The following FSIP1 variants were observed in gnomAD, a reference collection of about 807,000 sequenced individuals.
FSIP1 encodes the protein fibrous sheath interacting protein 1.
A neutral mutation model predicts 60.9 loss-of-function variants in FSIP1; 65 were observed. The ratio of observed to expected loss-of-function variants is 1.07; its 90% CI spans 0.87 to 1.31. FSIP1 has a LOEUF of 1.31. Ranked by LOEUF, FSIP1 falls within the 40% of genes most tolerant of loss-of-function variation. The pLI, the probability that FSIP1 is intolerant of heterozygous loss-of-function variation, is 0.00. For synonymous variants in FSIP1, 209 were observed against 221.2 expected, an observed-to-expected ratio of 0.94 and a Z score of 0.49; for missense variants, 675 against 665.5, an observed-to-expected ratio of 1.01 and a Z score of -0.16.
At chr15:39,619,746 A>G (rs1322285858) in intron 10 of FSIP1, among the ~76,000 whole-genome samples, 1 of 152,218 alleles carries the variant, frequency 6.6e-6, no homozygotes, top group Non-Finnish European at 1.5e-5. Flanking sequence ...TGCTTATGTA[A>G]AATTACATAT....
intron 10 of FSIP1, among the ~76,000 whole-genome samples, chr15:39,643,728 A>G (rs1892471498): frequency 6.6e-6 from 1 of 152,242 alleles, no homozygotes; most frequent in East Asian, 1.9e-4. Context: ...AAGTGGGAAC[A>G]TCAAGTCTGG....
downstream of FSIP1, chr15:39,598,729 A>G (rs1890537816): frequency 6.6e-6 from 1 of 152,122 alleles, no homozygotes; most frequent in Admixed American, 6.5e-5. Flanking sequence ...CTCCTCCAAC[A>G]GTTTATTGTC....
At chr15:39,779,558 G>C (rs1238759959) in intron 1 of FSIP1, among the ~76,000 whole-genome samples, 1 of 152,080 alleles carries the variant, frequency 6.6e-6, no homozygotes, top group Admixed American at 6.5e-5. Context: ...TCCCATTTTT[G>C]CTCTGTCTTT....
At position 39,770,436 on chromosome 15, in the gene FSIP1, C is replaced by G. The variant is rs768046700; in HGVS notation, c.301G>C (p.Glu101Gln). ...LDLVQHQIIS[E>Q]CSDEPKLKEL... The stretch of plus-strand genomic sequence containing the variant: ...CTAGTGATTATCCTACCTGAACACT[C>G]AGAGATTATCTGATGTTGAACCAAA... The change falls in exon 3 of 12, where the codon GAG becomes CAG. Residue 101 changes from glutamate to glutamine, a missense_variant. Transcript: ENST00000350221. 6.9e-6 allele frequency: 11 copies of G among 1,595,718 alleles called. No individual in the cohort carries two copies. The highest frequency in any genetic ancestry group is 9.4e-6 in the Non-Finnish European group (11 of 1,174,230).
intron 10 of FSIP1, among the ~76,000 whole-genome samples, chr15:39,631,458 A>G (rs567860162): frequency 1.3e-5 from 2 of 152,372 alleles, no homozygotes; most frequent in Non-Finnish European, 2.9e-5. Flanking sequence ...GCAGACAGAC[A>G]GACAAACTGG....
chr15:39,673,566 A>C (rs192260317), intron 10 of FSIP1, among the ~76,000 whole-genome samples: 2 of 152,240 alleles, frequency 1.3e-5, no homozygotes, highest in East Asian at 3.9e-4. Context: ...TCCTCCTGCC[A>C]CAGCCTCCCA....
At chr15:39,780,340 CGGT>C (rs1898215608) in intron 1 of FSIP1, among the ~76,000 whole-genome samples, 1 of 152,062 alleles carries the variant, frequency 6.6e-6, no homozygotes, top group Non-Finnish European at 1.5e-5. Context: ...CTGGCTAACA[CGGT>C]GAAACCCCGT....
chr15:39,694,087 G>T (rs372294161), intron 10 of FSIP1, among the ~76,000 whole-genome samples: 1 of 151,842 alleles, frequency 6.6e-6, no homozygotes, highest in Non-Finnish European at 1.5e-5. Context: ...TTTAAAAACT[G>T]CAGTAACAAG....
At position 39,726,925 on chromosome 15, in the gene FSIP1, G is replaced by C. The variant is rs74008689; in HGVS notation, c.892-178C>G. ...GTTAGTAAAAGAATAATATGAAATAGTTTCTGGTTTTGTTATCTGCCAGCC... is the reference window on the plus strand; with the variant it reads ...GTTAGTAAAAGAATAATATGAAATACTTTCTGGTTTTGTTATCTGCCAGCC... On this transcript the variant is annotated intron_variant, in intron 8 of 11. Coordinates refer to ENST00000350221, the MANE Select transcript of FSIP1 (RefSeq NM_152597.5). 8.7e-3 allele frequency among the ~76,000 whole-genome samples: 1,327 copies of C among 152,116 alleles called. 17 individuals are homozygous for C. The highest frequency in any genetic ancestry group is 0.028 in the African/African-American group (1,153 of 41,476).
chr15:39,729,432 A>G (rs2140605086), intron 8 of FSIP1, among the ~76,000 whole-genome samples: 1 of 152,206 alleles, frequency 6.6e-6, no homozygotes, highest in South Asian at 2.1e-4. Flanking sequence ...AAATTAGCCA[A>G]ATGTGGTGAT....
At chr15:39,736,650 T>C (rs571032024) in intron 8 of FSIP1, among the ~76,000 whole-genome samples, 1 of 152,348 alleles carries the variant, frequency 6.6e-6, no homozygotes, top group African/African-American at 2.4e-5. Flanking sequence ...CATGCACTGC[T>C]TTTAGACTTA....
chr15:39,625,589 A>T (rs536790746), intron 10 of FSIP1, among the ~76,000 whole-genome samples: 2 of 152,344 alleles, frequency 1.3e-5, no homozygotes, highest in Non-Finnish European at 2.9e-5. Context: ...AGAGACAGCA[A>T]GTCCACTTGG....
At chr15:39,768,248 C>T (rs1409642851) in intron 3 of FSIP1, among the ~76,000 whole-genome samples, 1 of 152,178 alleles carries the variant, frequency 6.6e-6, no homozygotes, top group Admixed American at 6.5e-5. Flanking sequence ...AACCATAATC[C>T]TGAGTCACCT....
chr15:39,643,570 T>A (rs1187550507), intron 10 of FSIP1, among the ~76,000 whole-genome samples: 1 of 152,198 alleles, frequency 6.6e-6, no homozygotes, highest in Non-Finnish European at 1.5e-5. Context: ...TGATCAGAAA[T>A]AAGCCTGCCA....
chr15:39,746,250 C>T (rs886690799), intron 5 of FSIP1, among the ~76,000 whole-genome samples: 4 of 152,070 alleles, frequency 2.6e-5, no homozygotes, highest in South Asian at 2.1e-4. Context: ...GCTTTGCCTA[C>T]TGAAACAGCG....
chr15:39,742,030 T>G, intron 5 of FSIP1, 130 bp from the exon 6 acceptor site: 1 of 554,564 alleles, frequency 1.8e-6, no homozygotes, highest in Non-Finnish European at 3.2e-6. Context: ...ACACATAAAT[T>G]TCTTAAGACA....
At chr15:39,744,777 TCA>T (rs55691651) in intron 5 of FSIP1, among the ~76,000 whole-genome samples, 56,558 of 137,788 alleles carry the variant, frequency 0.41, 11,300 homozygotes, top group South Asian at 0.55. Context: ...TCCCCCTCAG[TCA>T]CACACACACA....
intron 8 of FSIP1, among the ~76,000 whole-genome samples, chr15:39,729,462 T>C (rs944476128): frequency 1.1e-4 from 16 of 151,856 alleles, no homozygotes; most frequent in African/African-American, 3.1e-4. Context: ...TAGTCCCAGA[T>C]ACGAAGGAGG....
chr15:39,760,821 T>G (rs1397578351), intron 5 of FSIP1, among the ~76,000 whole-genome samples: 1 of 152,178 alleles, frequency 6.6e-6, no homozygotes, highest in Non-Finnish European at 1.5e-5. Context: ...ATTTCTGAGT[T>G]TTGATCACTA....
Sources: gnomAD v4.1 joint callset for allele counts (sites outside exome capture counted in the v4.1 genomes callset) on GRCh38, gnomAD v4.1.1 for gene constraint, MANE v1.5 for transcripts, NCBI Gene and HGNC (gene_info 2026-07-23, HGNC 2026-07-21) for gene names.